DMD: variants seen among roughly 807,000 people sequenced by gnomAD.
The protein encoded by DMD is mutant dystrophin.
DMD carries 63 observed loss-of-function variants against 330.1 expected under a neutral mutation model. The ratio of observed to expected loss-of-function variants is 0.19; its 90% CI spans 0.16 to 0.24. The LOEUF (loss-of-function observed/expected upper bound fraction) is 0.24. Among genes scored for constraint, DMD ranks in the 10% least tolerant of loss-of-function variants. The probability of loss-of-function intolerance (pLI) is 1.00; values close to 1 mark genes in which losing one functional copy is unlikely to be tolerated. For synonymous variants in DMD, 1,223 were observed against 959.8 expected (o/e 1.27, Z -5.07); for missense variants, 3,344 against 2,684.1 (o/e 1.25, Z -5.43).
At position 31,539,503 on chromosome X, in the gene DMD, T is replaced by A. The variant is rs147733323; in HGVS notation, c.8218-32050A>T. Among the ~76,000 whole-genome samples, 5 of 112,169 alleles carry A rather than the reference T, an allele frequency of 4.5e-5. No individual in the cohort carries two copies. The East Asian group carries it at 1.4e-3, about 31-fold the overall frequency. ...CTTTGGTCACCAGCATAAATAAATC[T>A]GGATATGCCATGTGAGAACACAGCA... On this transcript the variant is annotated intron_variant, in intron 55 of 78. Coordinates refer to ENST00000357033, the MANE Select transcript of DMD (RefSeq NM_004006.3).
chrX:32,143,846 G>A (rs1224124098), intron 44 of DMD, among the ~76,000 whole-genome samples: 2 of 109,821 alleles, frequency 1.8e-5, no homozygotes, highest in Admixed American at 9.8e-5. Flanking sequence ...CACCGTGCCC[G>A]GCCACAAATA....
intron 2 of DMD, among the ~76,000 whole-genome samples, chrX:32,915,500 G>A (rs1221293142): frequency 1.8e-5 from 2 of 111,551 alleles, no homozygotes; most frequent in Non-Finnish European, 3.8e-5. Flanking sequence ...TTCAGAGATT[G>A]TATATTTGCT....
chrX:31,284,846 A>C (rs1172184818), intron 62 of DMD, among the ~76,000 whole-genome samples: 4 of 106,520 alleles, frequency 3.8e-5, no homozygotes, highest in Admixed American at 3.0e-4. Flanking sequence ...ACACACACAC[A>C]CACACACACA....
intron 43 of DMD, among the ~76,000 whole-genome samples, chrX:32,252,877 A>AAATATAT: frequency 1.7e-5 from 1 of 58,828 alleles, no homozygotes; most frequent in South Asian, 7.8e-4. Context: ...TAAATATATA[A>AAATATAT]AAATATATAT....
chrX:32,184,809 C>A (rs1291647633), intron 44 of DMD, among the ~76,000 whole-genome samples: 1 of 104,552 alleles, frequency 9.6e-6, no homozygotes, highest in Non-Finnish European at 1.9e-5. Flanking sequence ...GGAGAAACAG[C>A]CTGAGGTCTT....
At position 33,081,396 on chromosome X, in the gene DMD, C is replaced by T. The variant is rs763511516; in HGVS notation, c.32-61196G>A. On this transcript the variant is annotated intron_variant, in intron 1 of 78. Coordinates refer to ENST00000357033, the MANE Select transcript of DMD (RefSeq NM_004006.3). ...TCAAGGGATTCTCCTGCCTTAGCCT[C>T]TCAAGTAGCTGGGATTACAGGCATG... Among the ~76,000 whole-genome samples, 10 of 112,060 alleles carry T rather than the reference C, an allele frequency of 8.9e-5. No homozygotes were observed. In the East Asian group the frequency reaches 2.5e-3, roughly 28 times the overall value.
intron 41 of DMD, among the ~76,000 whole-genome samples, chrX:32,320,450 T>A (rs1294362231): frequency 8.9e-6 from 1 of 111,961 alleles, no homozygotes; most frequent in Non-Finnish European, 1.9e-5. Flanking sequence ...AGTACATCTG[T>A]TTTTACTAGC....
chrX:31,675,811 T>C lies in DMD; in HGVS notation c.7872+3564A>G, dbSNP rs181665618. 9.3e-3 allele frequency among the ~76,000 whole-genome samples: 1,050 copies of C among 112,448 alleles called. 8 individuals are homozygous for C. Among genetic ancestry groups the C allele is most frequent in the Non-Finnish European group, 0.015 (807 of 53,286 alleles). On this transcript the variant is annotated intron_variant, in intron 53 of 78. Transcript: ENST00000357033. ...AACATTGATAAATATTTATGCAATA[T>C]TAAGTTTACAAATCAGAATTTAAAA...
intron 19 of DMD, among the ~76,000 whole-genome samples, chrX:32,493,510 A>G (rs757091656): frequency 4.5e-5 from 5 of 111,919 alleles, no homozygotes; most frequent in African/African-American, 1.6e-4. Context: ...ATGCTTAAGG[A>G]AGCAATTGTG....
intron 1 of DMD, among the ~76,000 whole-genome samples, chrX:33,172,296 T>TAGACAGGCAACTTTTCAA (rs1398313614): frequency 1.8e-5 from 2 of 111,693 alleles, no homozygotes; most frequent in Non-Finnish European, 3.8e-5. Flanking sequence ...GCCTAGAGCA[T>TAGACAGGCAACTTTTCAA]AGACAGGCAA....
chrX:32,757,840 C>T (rs1243195612), intron 7 of DMD, among the ~76,000 whole-genome samples: 1 of 111,523 alleles, frequency 9.0e-6, no homozygotes, highest in Non-Finnish European at 1.9e-5. Flanking sequence ...CAGTAGATGC[C>T]TCTTTGTATT....
At chrX:31,721,617 C>T (rs78001819) in intron 52 of DMD, among the ~76,000 whole-genome samples, 1 of 91,385 alleles carries the variant, frequency 1.1e-5, no homozygotes, top group African/African-American at 4.2e-5. Context: ...CTCTCTCTCT[C>T]TGTATGTGTG....
intron 61 of DMD, among the ~76,000 whole-genome samples, chrX:31,341,868 CGT>C (rs1569529154): frequency 2.2e-4 from 20 of 89,559 alleles, no homozygotes; most frequent in East Asian, 7.3e-4. Context: ...TGTGATCTGG[CGT>C]GCGCGCGTGC....
chrX:31,177,648 C>G (rs766751563), intron 71 of DMD, among the ~76,000 whole-genome samples: 1 of 110,613 alleles, frequency 9.0e-6, no homozygotes, highest in Non-Finnish European at 1.9e-5. Flanking sequence ...ACTCCAATAA[C>G]TTCTTTGATT....
intron 44 of DMD, among the ~76,000 whole-genome samples, chrX:31,993,535 C>T (rs756839127): frequency 2.8e-4 from 31 of 111,889 alleles, no homozygotes; most frequent in Non-Finnish European, 4.9e-4. Flanking sequence ...TAGAAGCCAT[C>T]ATCTGCAACA....
chrX:33,302,915 T>C (rs2053687947), intron 1 of DMD, among the ~76,000 whole-genome samples: 1 of 111,963 alleles, frequency 8.9e-6, no homozygotes, highest in Non-Finnish European at 1.9e-5. Flanking sequence ...AAAATTCCTC[T>C]GGACTCTACG....
chrX:32,557,452 A>T (rs769894423), intron 16 of DMD, among the ~76,000 whole-genome samples: 17 of 112,077 alleles, frequency 1.5e-4, no homozygotes, highest in Non-Finnish European at 3.2e-4. Flanking sequence ...TAGTCAAAAT[A>T]CACTACACAC....
intron 1 of DMD, among the ~76,000 whole-genome samples, chrX:33,309,892 A>G (rs1374344932): frequency 9.0e-6 from 1 of 111,397 alleles, no homozygotes; most frequent in Non-Finnish European, 1.9e-5. Flanking sequence ...TCATACTTCC[A>G]TCAAAAATGA....
intron 16 of DMD, among the ~76,000 whole-genome samples, chrX:32,552,715 T>G (rs764547506): frequency 4.5e-5 from 5 of 111,845 alleles, no homozygotes; most frequent in South Asian, 3.7e-4. Context: ...GGAACTTAAA[T>G]TTACAAGCAA....
Sources: gnomAD v4.1 joint callset for allele counts (sites outside exome capture counted in the v4.1 genomes callset) on GRCh38, gnomAD v4.1.1 for gene constraint, MANE v1.5 for transcripts, NCBI Gene and HGNC (gene_info 2026-07-23, HGNC 2026-07-21) for gene names.